Variants in NFIA observed in about 807,000 individuals in gnomAD.
NFIA encodes nuclear factor I A.
Under a neutral mutation model 62.8 loss-of-function variants are expected in NFIA, and 8 were observed. The ratio of observed to expected loss-of-function variants is 0.13; its 90% CI spans 0.07 to 0.23. The LOEUF (loss-of-function observed/expected upper bound fraction) is 0.23. Among genes scored for constraint, NFIA ranks in the 10% least tolerant of loss-of-function variants. NFIA has a pLI of 1.00. For synonymous variants in NFIA, 235 were observed against 238.1 expected (o/e 0.99, Z 0.12); for missense variants, 410 against 642.1 (o/e 0.64, Z 3.91).
intron 2 of NFIA, among the ~76,000 whole-genome samples, chr1:61,128,915 G>GTTTTTTTTTTTTTTTTTTTTTTTTTTTT (rs10635152): frequency 1.3e-5 from 1 of 74,124 alleles, no homozygotes; most frequent in Non-Finnish European, 2.3e-5. Context: ...GCTTACTTAT[G>GTTTTTTTTTTTTTTTTTTTTTTTTTTTT]TTTTTTTTTT....
At chr1:61,115,385 T>G (rs576074651) in intron 2 of NFIA, among the ~76,000 whole-genome samples, 1 of 152,330 alleles carries the variant, frequency 6.6e-6, no homozygotes, top group East Asian at 1.9e-4. Flanking sequence ...CAGATGTCCC[T>G]AGATTCAAAG....
chr1:61,153,541 C>T (rs1041305260), intron 2 of NFIA, among the ~76,000 whole-genome samples: 1 of 152,116 alleles, frequency 6.6e-6, no homozygotes, highest in African/African-American at 2.4e-5. Context: ...AAAACAGACA[C>T]GTGTAACTGA....
chr1:61,248,027 G>A (rs1655762856), intron 2 of NFIA, among the ~76,000 whole-genome samples: 1 of 152,090 alleles, frequency 6.6e-6, no homozygotes, highest in Non-Finnish European at 1.5e-5. Context: ...TTGTACATGT[G>A]TGCGGTGATA....
rs567149827 is a variant in NFIA, at chr1:61,458,077, G to C, written c.*2757G>C. The stretch of plus-strand genomic sequence containing the variant: ...GGTTGAATAGTCGTTTGGCGCTGTT[G>C]TATGGTGTGATTGTCAGTGTATGGT... On this transcript the variant is annotated 3_prime_UTR_variant, in exon 11 of 11. Coordinates refer to ENST00000403491, the MANE Select transcript of NFIA (RefSeq NM_001134673.4). 2 of 152,030 alleles carry C rather than the reference G, an allele frequency of 1.3e-5. No individual in the cohort carries two copies. The highest frequency in any genetic ancestry group is 3.9e-4 in the East Asian group (2 of 5,182). The allele number at this position is 152,030 out of a possible 1,614,324, so 9.4% of individuals were successfully genotyped here.
At chr1:61,371,620 A>G (rs924751685) in intron 6 of NFIA, among the ~76,000 whole-genome samples, 12 of 152,190 alleles carry the variant, frequency 7.9e-5, no homozygotes, top group African/African-American at 2.9e-4. Flanking sequence ...AAGTTGACAA[A>G]AGCTATAGAC....
At chr1:61,426,317 C>G in intron 9 of NFIA, 148 bp from the exon 10 acceptor site, 1 of 616,856 alleles carries the variant, frequency 1.6e-6, no homozygotes, top group Non-Finnish European at 2.9e-6. Flanking sequence ...CTGAAATGCC[C>G]TTGCTAGCCA....
intron 9 of NFIA, among the ~76,000 whole-genome samples, chr1:61,419,855 A>G (rs1413987940): frequency 2.0e-5 from 3 of 152,216 alleles, no homozygotes; most frequent in Non-Finnish European, 2.9e-5. Context: ...TTCTGTAATT[A>G]CTAGCGATAA....
chr1:61,106,776 T>G (rs987585959), intron 2 of NFIA, among the ~76,000 whole-genome samples: 5 of 151,626 alleles, frequency 3.3e-5, no homozygotes, highest in African/African-American at 1.2e-4. Flanking sequence ...TTTACCTGTG[T>G]GTTCTTTTCC....
intron 6 of NFIA, among the ~76,000 whole-genome samples, chr1:61,367,123 A>T (rs1663632619): frequency 6.6e-6 from 1 of 152,176 alleles, no homozygotes; most frequent in African/African-American, 2.4e-5. Flanking sequence ...TTGCAGACTT[A>T]TGTTAGTCAT....
Position 61,406,545 on chromosome 1 carries a change from C to CT in NFIA, c.1255-17_1255-16insT, listed in dbSNP as rs754704533. The CT allele has an allele frequency of 1.5e-5, 4 of 268,356 alleles. No homozygotes were observed. The highest frequency in any genetic ancestry group is 2.9e-4 in the East Asian group (2 of 6,820). 16.6% of individuals were successfully genotyped at this position (268,356 alleles called of 1,614,324 possible). On this transcript the variant is annotated splice_polypyrimidine_tract_variant and intron_variant, in intron 8 of 10. Transcript: ENST00000403491. ...TTTTTCTTGTACGTGTGTTTTCTGC[C>CT]CCCCCCCCCCCCACAGCCCAATGGG...
chr1:61,185,402 ATCC>A (rs1339495681), intron 2 of NFIA, among the ~76,000 whole-genome samples: 3 of 152,348 alleles, frequency 2.0e-5, no homozygotes, highest in South Asian at 2.1e-4. Context: ...AGCCACCATC[ATCC>A]TTACCCAGAC....
At chr1:61,409,295 T>TA (rs1665990462) in intron 9 of NFIA, among the ~76,000 whole-genome samples, 1 of 152,244 alleles carries the variant, frequency 6.6e-6, no homozygotes. Context: ...GAAAGGTTTT[T>TA]ATCATCATTC....
chr1:61,191,115 T>C (rs182229667), intron 2 of NFIA, among the ~76,000 whole-genome samples: 59 of 152,064 alleles, frequency 3.9e-4, no homozygotes, highest in African/African-American at 1.4e-3. Context: ...TTTAGCTCAA[T>C]GTTACAATGC....
intron 2 of NFIA, among the ~76,000 whole-genome samples, chr1:61,174,284 G>A (rs1201435651): frequency 6.6e-6 from 1 of 152,188 alleles, no homozygotes; most frequent in Non-Finnish European, 1.5e-5. Context: ...GCAGGCCAGG[G>A]TAGTTTGCAA....
chr1:61,151,999 C>A (rs1048510981), intron 2 of NFIA, among the ~76,000 whole-genome samples: 1 of 152,126 alleles, frequency 6.6e-6, no homozygotes, highest in Non-Finnish European at 1.5e-5. Context: ...TGTCCTGGTT[C>A]CATAACACTG....
At chr1:61,234,453 G>C (rs1265031980) in intron 2 of NFIA, among the ~76,000 whole-genome samples, 2 of 151,066 alleles carry the variant, frequency 1.3e-5, no homozygotes, top group African/African-American at 4.9e-5. Context: ...TAATCCTTGC[G>C]TTATGCGGGT....
intron 4 of NFIA, 39 bp from the exon 5 acceptor site, chr1:61,352,411 C>T (rs1478663543): frequency 1.4e-6 from 2 of 1,418,092 alleles, no homozygotes; most frequent in Non-Finnish European, 2.0e-6. Flanking sequence ...TTTTTATCCA[C>T]AGAATTTAAC....
intron 2 of NFIA, among the ~76,000 whole-genome samples, chr1:61,121,965 T>C (rs1646894440): frequency 6.6e-6 from 1 of 152,058 alleles, no homozygotes; most frequent in South Asian, 2.1e-4. Context: ...AGAAAAAAAA[T>C]CCAAGCAAAT....
intron 7 of NFIA, among the ~76,000 whole-genome samples, chr1:61,402,326 C>G (rs1419491716): frequency 1.3e-5 from 2 of 152,128 alleles, no homozygotes; most frequent in African/African-American, 2.4e-5. Context: ...GCATGAGCCA[C>G]CGTACCAGGC....
Sources: gnomAD v4.1 joint callset for allele counts (sites outside exome capture counted in the v4.1 genomes callset) on GRCh38, gnomAD v4.1.1 for gene constraint, MANE v1.5 for transcripts, NCBI Gene and HGNC (gene_info 2026-07-23, HGNC 2026-07-21) for gene names.